ME3: variants seen among roughly 807,000 people sequenced by gnomAD.
ME3 encodes malic enzyme 3.
ME3 carries 48 observed loss-of-function variants against 68.9 expected under a neutral mutation model. The observed-to-expected ratio is 0.70, with a 90% CI of 0.55 to 0.89. The LOEUF (loss-of-function observed/expected upper bound fraction) is 0.89. ME3 is among the 40% of genes least tolerant of loss of function. ME3 has a pLI of 0.00. For missense variants in ME3, 675 were observed against 797.4 expected (o/e 0.85, Z 1.85); for synonymous variants, 320 against 318.8 (o/e 1.00, Z -0.04).
Position 86,448,228 on chromosome 11 carries a change from C to A in ME3, c.1159G>T (p.Glu387Ter), listed in dbSNP as rs1469175295. The A allele has an allele frequency of 6.2e-7, 1 of 1,614,170 alleles. No individual in the cohort carries two copies. The highest frequency in any genetic ancestry group is 8.5e-7 in the Non-Finnish European group (1 of 1,180,004). Residue 387 changes from glutamate (E) to a stop codon, truncating the protein, a stop_gained, in exon 11 of 15, where the codon GAG becomes TAG. Coordinates refer to ENST00000543262, the Ensembl canonical transcript of ME3. LOFTEE classifies it high-confidence loss of function. Reference sequence around the variant, plus strand: ...TCAGGATGGTCTTGGGCAAACATCTCCTTTTCATGGTTCAGGTGGCTCCTC... The same window carrying A: ...TCAGGATGGTCTTGGGCAAACATCTACTTTTCATGGTTCAGGTGGCTCCTC...
At chr11:86,541,600 C>A (rs1956052846) in intron 4 of ME3, among the ~76,000 whole-genome samples, 1 of 152,220 alleles carries the variant, frequency 6.6e-6, no homozygotes, top group Non-Finnish European at 1.5e-5. Flanking sequence ...TCTCTAGATT[C>A]CTCCTCTCTG....
intron 2 of ME3, among the ~76,000 whole-genome samples, chr11:86,633,783 GC>G: frequency 6.6e-6 from 1 of 152,188 alleles, no homozygotes; most frequent in Non-Finnish European, 1.5e-5. Flanking sequence ...ACAGACAGAA[GC>G]ATCTACCATG....
At chr11:86,468,801 T>A (rs1488024628) in intron 7 of ME3, among the ~76,000 whole-genome samples, 1 of 152,144 alleles carries the variant, frequency 6.6e-6, no homozygotes, top group East Asian at 1.9e-4. Context: ...GTAAAAAAAA[T>A]AGCTAGCTTT....
chr11:86,671,831 A>G, exon 2 of ME3: 1 of 1,594,296 alleles, frequency 6.3e-7, no homozygotes, highest in Non-Finnish European at 8.5e-7. Context: ...GCGCCGGGCC[A>G]GGCTTGGAGT....
At chr11:86,611,174 T>C (rs1241137538) in intron 2 of ME3, among the ~76,000 whole-genome samples, 2 of 152,204 alleles carry the variant, frequency 1.3e-5, no homozygotes, top group African/African-American at 4.8e-5. Context: ...TGATCTCAGT[T>C]ACTTGAGGAA....
rs531667711 is a variant in ME3 at position 86,634,852 on chromosome 11, C to T, written c.183+36910G>A. Among the ~76,000 whole-genome samples, 6 of 152,264 alleles carry T rather than the reference C, an allele frequency of 3.9e-5. No individual in the cohort carries two copies. In the South Asian group the frequency reaches 1.0e-3, roughly 26 times the overall value. ...AACTGAAACTGTGATTGATAACAAA[C>T]CATAGAAGTTAATTTAAACAGGATT... On this transcript the variant is annotated intron_variant, in intron 2 of 14. Transcript: ENST00000543262.
chr11:86,653,944 GCC>G (rs1945665493), intron 2 of ME3, among the ~76,000 whole-genome samples: 1 of 152,000 alleles, frequency 6.6e-6, no homozygotes, highest in Non-Finnish European at 1.5e-5. Context: ...AATACAAACT[GCC>G]ATCAGAGAAT....
In ME3 at chr11:86,476,967, G is replaced by A. The variant is rs567109260; in HGVS notation, c.809+10370C>T. On this transcript the variant is annotated intron_variant, in intron 7 of 14. Coordinates refer to ENST00000543262, the Ensembl canonical transcript of ME3. ...GATATATTAACTCAAACATGAATGC[G>A]TGAATGTGGGCACAGTGAAGCACTG... Among the ~76,000 whole-genome samples, 6 of 152,324 alleles carry A rather than the reference G, an allele frequency of 3.9e-5. No individual in the cohort carries two copies. In the East Asian group the frequency reaches 9.6e-4, roughly 24 times the overall value.
chr11:86,515,620 G>A (rs1953842605), intron 4 of ME3, among the ~76,000 whole-genome samples: 1 of 152,292 alleles, frequency 6.6e-6, no homozygotes, highest in African/African-American at 2.4e-5. Flanking sequence ...CTTAATATTT[G>A]TCTAACCTCG....
chr11:86,538,054 A>G (rs540539300), intron 4 of ME3, among the ~76,000 whole-genome samples: 17 of 152,328 alleles, frequency 1.1e-4, no homozygotes, highest in African/African-American at 3.8e-4. Context: ...ATGTCCCTGC[A>G]AGGGACTCTA....
intron 2 of ME3, among the ~76,000 whole-genome samples, chr11:86,560,310 C>G (rs1824279): frequency 0.55 from 83,663 of 151,816 alleles, 23,984 homozygotes; most frequent in Admixed American, 0.63. Flanking sequence ...CTCCTTTTCT[C>G]TCTGTCCTGC....
intron 2 of ME3, among the ~76,000 whole-genome samples, chr11:86,585,493 G>T (rs1958679645): frequency 6.6e-6 from 1 of 152,172 alleles, no homozygotes; most frequent in African/African-American, 2.4e-5. Context: ...ATCACAACTG[G>T]ATGAATGGTT....
chr11:86,559,806 A>G (rs201763747), exon 3 of ME3: 4 of 1,614,022 alleles, frequency 2.5e-6, no homozygotes, highest in Non-Finnish European at 3.4e-6. Context: ...GCCTTTCTTC[A>G]AGGGTAAAGG....
At chr11:86,508,629 G>A (rs1953268177) in intron 5 of ME3, among the ~76,000 whole-genome samples, 163 bp downstream of exon 5, 1 of 152,130 alleles carries the variant, frequency 6.6e-6, no homozygotes, top group Non-Finnish European at 1.5e-5. Context: ...TCTGCTCTGT[G>A]GTGTATTTGT....
At chr11:86,481,921 C>G (rs1439388517) in intron 7 of ME3, among the ~76,000 whole-genome samples, 1 of 152,192 alleles carries the variant, frequency 6.6e-6, no homozygotes, top group African/African-American at 2.4e-5. Context: ...ATGCTCATCC[C>G]TGTTGAACCC....
At chr11:86,458,456 A>G (rs1161374835) in intron 8 of ME3, among the ~76,000 whole-genome samples, 1 of 152,188 alleles carries the variant, frequency 6.6e-6, no homozygotes, top group Non-Finnish European at 1.5e-5. Flanking sequence ...CAATTTGGAA[A>G]GAACCAGAAG....
At chr11:86,452,898 T>A (rs1949710006) in intron 8 of ME3, among the ~76,000 whole-genome samples, 1 of 152,220 alleles carries the variant, frequency 6.6e-6, no homozygotes, top group South Asian at 2.1e-4. Context: ...TGTTGGGACA[T>A]TGTCTATCCC....
In ME3 at chr11:86,598,882, G is replaced by C. The variant is rs570621055; in HGVS notation, c.184-39059C>G. On this transcript the variant is annotated intron_variant, in intron 2 of 14. Transcript: ENST00000543262. Reference sequence around the variant, plus strand: ...CTAGCAAACTCCAACAGACCTGCAGGTGAGGGTCCTGTCTGTTAGAAGGAA... The same window carrying C: ...CTAGCAAACTCCAACAGACCTGCAGCTGAGGGTCCTGTCTGTTAGAAGGAA... Among the ~76,000 whole-genome samples the C allele has an allele frequency of 3.1e-3, 469 of 152,308 alleles. 1 individual carries two copies. Among genetic ancestry groups the C allele is most frequent in the African/African-American group, 7.8e-3 (326 of 41,570 alleles).
chr11:86,487,979 G>C (rs1951794025), intron 6 of ME3, among the ~76,000 whole-genome samples: 1 of 152,096 alleles, frequency 6.6e-6, no homozygotes, highest in Middle Eastern at 3.2e-3. Context: ...GGAGTCTGAG[G>C]CTGTCCTAGC....
Sources: gnomAD v4.1 joint callset for allele counts (sites outside exome capture counted in the v4.1 genomes callset) on GRCh38, gnomAD v4.1.1 for gene constraint, MANE v1.5 for transcripts, NCBI Gene and HGNC (gene_info 2026-07-23, HGNC 2026-07-21) for gene names.